The following PDE3A variants were observed in gnomAD, a reference collection of about 807,000 sequenced individuals.
PDE3A encodes the protein cGMP-inhibited 3',5'-cyclic phosphodiesterase 3A.
Under a neutral mutation model 98.3 loss-of-function variants are expected in PDE3A, and 43 were observed. That is an observed-to-expected ratio of 0.44 (90% CI 0.34 to 0.56). The LOEUF (loss-of-function observed/expected upper bound fraction) is 0.56, where lower values mean the gene tolerates loss of function less well. PDE3A is among the 20% of genes least tolerant of loss of function. PDE3A has a pLI of 0.01. For synonymous variants in PDE3A, 663 were observed against 567.9 expected, an observed-to-expected ratio of 1.17 and a Z score of -2.38; for missense variants, 1,427 against 1,440.7, an observed-to-expected ratio of 0.99 and a Z score of 0.15.
chr12:20,524,614 C>T (rs988025877), intron 1 of PDE3A, among the ~76,000 whole-genome samples: 5 of 151,912 alleles, frequency 3.3e-5, no homozygotes, highest in Non-Finnish European at 7.4e-5. Context: ...TATAGTATTA[C>T]ATATGCATAT....
rs552671446 is a variant in PDE3A at position 20,618,703 on chromosome 12, G to T, written c.1424+2319G>T. ...ACATAATTGGAGGGGTAAATTAGATGGAAGAATACAAGTAGGTGCTTAAAA... is the reference window on the plus strand; with the variant it reads ...ACATAATTGGAGGGGTAAATTAGATTGAAGAATACAAGTAGGTGCTTAAAA... On this transcript the variant is annotated intron_variant, in intron 4 of 15. Coordinates refer to ENST00000359062, the MANE Select transcript of PDE3A (RefSeq NM_000921.5). Among the ~76,000 whole-genome samples the T allele has an allele frequency of 2.0e-5, 3 of 152,108 alleles. No individual in the cohort carries two copies. The East Asian group carries it at 5.8e-4, about 29-fold the overall frequency.
chr12:20,377,390 T>C (rs1043315348), intron 1 of PDE3A, among the ~76,000 whole-genome samples: 9 of 151,784 alleles, frequency 5.9e-5, no homozygotes, highest in African/African-American at 1.4e-4. Context: ...AAAAATGAAA[T>C]ATTTTGCATT....
chr12:20,477,911 C>T (rs1945557147), intron 1 of PDE3A, among the ~76,000 whole-genome samples: 1 of 152,134 alleles, frequency 6.6e-6, no homozygotes, highest in Non-Finnish European at 1.5e-5. Context: ...TGCCTTTCTC[C>T]TTGTCACCAG....
chr12:20,368,717 G>C lies in PDE3A; in HGVS notation c.-568G>C, dbSNP rs1002244845. ...TCCTGGGGCCGTGCCGGGGAGAATC[G>C]GCCGAGGAGAAAGAAAGAGTGATAG... On this transcript the variant is annotated 5_prime_UTR_variant, in exon 1 of 16. Transcript: ENST00000359062. Among the ~76,000 whole-genome samples, 1 of 151,858 alleles carries C rather than the reference G, an allele frequency of 6.6e-6. No homozygotes were observed. Among genetic ancestry groups the C allele is most frequent in the Middle Eastern group, 3.2e-3 (1 of 314 alleles).
At chr12:20,544,679 T>G (rs902406353) in intron 1 of PDE3A, among the ~76,000 whole-genome samples, 5 of 151,992 alleles carry the variant, frequency 3.3e-5, no homozygotes, top group African/African-American at 1.2e-4. Context: ...CCAACCTATA[T>G]TTTAATCCAT....
intron 2 of PDE3A, among the ~76,000 whole-genome samples, chr12:20,574,495 G>A (rs1156971562): frequency 6.6e-6 from 1 of 152,000 alleles, no homozygotes; most frequent in African/African-American, 2.4e-5. Context: ...TACTTTGAAA[G>A]TTTGTTCTGT....
At position 20,665,112 on chromosome 12, in the gene PDE3A, G is replaced by A. The variant is rs1025846380; in HGVS notation, c.3184+10907G>A. Among the ~76,000 whole-genome samples, 10 of 152,124 alleles carry A rather than the reference G, an allele frequency of 6.6e-5. No homozygotes were observed. In the South Asian group the frequency reaches 2.1e-3, roughly 32 times the overall value. ...AACTGGGCCATCTCCCTCCCTTTCT[G>A]CTGACTTTCAAAGACTCCATAAGAC... On this transcript the variant is annotated intron_variant, in intron 15 of 15. Transcript: ENST00000359062.
At chr12:20,649,890 A>G (rs1193107872) in intron 13 of PDE3A, among the ~76,000 whole-genome samples, 1 of 152,158 alleles carries the variant, frequency 6.6e-6, no homozygotes, top group African/African-American at 2.4e-5. Flanking sequence ...CTGGACCATG[A>G]CACTCCAGCC....
intron 1 of PDE3A, 140 bp from the exon 2 acceptor site, chr12:20,556,520 G>A (rs1942372234): frequency 1.6e-6 from 1 of 631,750 alleles, no homozygotes; most frequent in African/African-American, 1.9e-5. Context: ...ACTAATTTAG[G>A]TATGTTAATT....
At chr12:20,671,305 T>G (rs1443606605) in intron 15 of PDE3A, among the ~76,000 whole-genome samples, 2 of 151,092 alleles carry the variant, frequency 1.3e-5, no homozygotes, top group Non-Finnish European at 2.9e-5. Context: ...TCTGAAACTA[T>G]TCCAATCAAT....
chr12:20,609,311 C>A (rs1050674738), intron 2 of PDE3A, among the ~76,000 whole-genome samples: 1 of 151,778 alleles, frequency 6.6e-6, no homozygotes, highest in African/African-American at 2.4e-5. Flanking sequence ...AAAAAACACT[C>A]CCATTTACAA....
At chr12:20,395,861 A>C (rs1263803371) in intron 1 of PDE3A, among the ~76,000 whole-genome samples, 18 of 151,780 alleles carry the variant, frequency 1.2e-4, no homozygotes, top group Admixed American at 1.2e-3. Flanking sequence ...AAAAAGAAAA[A>C]ATATTTTCCC....
At chr12:20,644,353 G>A (rs900085759) in intron 10 of PDE3A, among the ~76,000 whole-genome samples, 10 of 152,086 alleles carry the variant, frequency 6.6e-5, no homozygotes, top group East Asian at 1.9e-4. Flanking sequence ...CAAATTCACC[G>A]TGTATCTGGC....
intron 15 of PDE3A, among the ~76,000 whole-genome samples, chr12:20,656,653 G>A (rs530196504): frequency 1.3e-5 from 2 of 151,768 alleles, no homozygotes; most frequent in South Asian, 4.2e-4. Flanking sequence ...CTTTTTGTTT[G>A]TTTTCATTTC....
chr12:20,458,069 T>G (rs2120914389), intron 1 of PDE3A, among the ~76,000 whole-genome samples: 1 of 152,298 alleles, frequency 6.6e-6, no homozygotes, highest in Admixed American at 6.5e-5. Context: ...TGAATCATTT[T>G]ATATACTAGT....
chr12:20,410,882 A>T (rs1037043141), intron 1 of PDE3A, among the ~76,000 whole-genome samples: 1 of 152,178 alleles, frequency 6.6e-6, no homozygotes, highest in African/African-American at 2.4e-5. Flanking sequence ...AAGCCAACAT[A>T]TTTCCTGTTC....
chr12:20,368,702 GTGCCGGGGAGAATC>G lies in PDE3A; in HGVS notation c.-582_-569del, dbSNP rs1943393628. ...GAATGGCGATTCGCGTCCTGGGGCC[GTGCCGGGGAGAATC>G]GGCCGAGGAGAAAGAAAGAGTGATA... On this transcript the variant is annotated 5_prime_UTR_variant, in exon 1 of 16. The change abolishes the stop of an existing upstream ORF in the 5' untranslated region. Coordinates refer to ENST00000359062, the MANE Select transcript of PDE3A (RefSeq NM_000921.5). Among the ~76,000 whole-genome samples, 1 of 151,904 alleles carries G rather than the reference GTGCCGGGGAGAATC, an allele frequency of 6.6e-6. No homozygotes were observed. The highest frequency in any genetic ancestry group is 2.1e-4 in the South Asian group (1 of 4,816).
chr12:20,623,995 C>G (rs566007233), intron 5 of PDE3A, among the ~76,000 whole-genome samples: 2 of 152,072 alleles, frequency 1.3e-5, no homozygotes, highest in South Asian at 4.1e-4. Context: ...ACTAAAATTT[C>G]AGACAGTAAT....
intron 1 of PDE3A, among the ~76,000 whole-genome samples, chr12:20,484,622 T>G (rs1279930191): frequency 6.6e-6 from 1 of 152,358 alleles, no homozygotes; most frequent in Admixed American, 6.5e-5. Flanking sequence ...GACTTGAATT[T>G]TGTTTAAACT....
Sources: allele counts gnomAD v4.1 joint callset (sites outside exome capture counted in the v4.1 genomes callset), GRCh38; gene constraint gnomAD v4.1.1; transcripts MANE v1.5; gene names NCBI Gene and HGNC (gene_info 2026-07-23, HGNC 2026-07-21).